The following MAP2K4 variants were observed in gnomAD, a reference collection of about 807,000 sequenced individuals.
MAP2K4 encodes mitogen-activated protein kinase kinase 4, also known as dual specificity mitogen-activated protein kinase kinase 4.
In MAP2K4, 4 loss-of-function variants were observed where a neutral mutation model predicts 48.5. That is an observed-to-expected ratio of 0.08 (90% confidence interval 0.04 to 0.19). The LOEUF is 0.19. Among genes scored for constraint, MAP2K4 ranks in the 10% least tolerant of loss-of-function variants. MAP2K4 has a pLI of 1.00. For synonymous variants in MAP2K4, 166 were observed against 173.1 expected (o/e 0.96, Z 0.32); for missense variants, 258 against 493.3 (o/e 0.52, Z 4.52).
chr17:12,023,802 G>A (rs1031864490), intron 1 of MAP2K4, among the ~76,000 whole-genome samples: 1 of 152,128 alleles, frequency 6.6e-6, no homozygotes, highest in Admixed American at 6.5e-5. Context: ...GTGACCAGGG[G>A]CAATGAACTT....
At chr17:12,038,299 A>G (rs1969663553) in intron 1 of MAP2K4, among the ~76,000 whole-genome samples, 1 of 152,124 alleles carries the variant, frequency 6.6e-6, no homozygotes, top group South Asian at 2.1e-4. Flanking sequence ...TGAGATCCGA[A>G]TCTAGGCAAA....
intron 7 of MAP2K4, among the ~76,000 whole-genome samples, chr17:12,114,054 T>C (rs918848436): frequency 2.0e-5 from 3 of 152,210 alleles, no homozygotes; most frequent in African/African-American, 4.8e-5. Flanking sequence ...CACTACTAAA[T>C]GTGACACATA....
intron 1 of MAP2K4, among the ~76,000 whole-genome samples, chr17:12,033,267 C>G (rs911886962): frequency 5.3e-5 from 8 of 152,076 alleles, no homozygotes; most frequent in African/African-American, 1.7e-4. Context: ...TTGTCTTCTG[C>G]TTTTTATTCA....
intron 2 of MAP2K4, among the ~76,000 whole-genome samples, chr17:12,058,404 T>G (rs911760762): frequency 6.6e-6 from 1 of 152,098 alleles, no homozygotes; most frequent in Non-Finnish European, 1.5e-5. Flanking sequence ...TAACTCTGGT[T>G]TCTAGGCCTT....
chr17:12,079,909 T>G (rs941800212), intron 2 of MAP2K4, among the ~76,000 whole-genome samples: 1 of 152,214 alleles, frequency 6.6e-6, no homozygotes, highest in African/African-American at 2.4e-5. Flanking sequence ...TGCCACTGAT[T>G]TCCGGGCTTC....
At chr17:12,120,627 G>T (rs1028086851) in intron 7 of MAP2K4, among the ~76,000 whole-genome samples, 23 of 145,742 alleles carry the variant, frequency 1.6e-4, no homozygotes, top group African/African-American at 5.6e-4. Flanking sequence ...AACACAAGAA[G>T]AAATCATGTC....
intron 7 of MAP2K4, among the ~76,000 whole-genome samples, chr17:12,123,091 T>C (rs1379202162): frequency 1.3e-5 from 2 of 152,204 alleles, no homozygotes; most frequent in African/African-American, 4.8e-5. Context: ...GTAATGACTT[T>C]GTCAGGTTTT....
chr17:12,102,256 T>G (rs1971959910), intron 4 of MAP2K4, among the ~76,000 whole-genome samples: 1 of 152,130 alleles, frequency 6.6e-6, no homozygotes, highest in African/African-American at 2.4e-5. Flanking sequence ...TTCCAGATCC[T>G]TGAGATGTTT....
intron 9 of MAP2K4, among the ~76,000 whole-genome samples, chr17:12,131,403 A>G (rs1288467196): frequency 1.3e-5 from 2 of 151,182 alleles, no homozygotes; most frequent in Non-Finnish European, 2.9e-5. Context: ...ACCTGCCACC[A>G]CACCCAGCTA....
intron 2 of MAP2K4, among the ~76,000 whole-genome samples, chr17:12,079,530 C>T (rs1040261425): frequency 1.3e-5 from 2 of 152,138 alleles, no homozygotes; most frequent in African/African-American, 4.8e-5. Context: ...AATACGAACA[C>T]TAAGAAGGTG....
chr17:12,139,666 AG>A (rs1973313952), intron 9 of MAP2K4, among the ~76,000 whole-genome samples, 172 bp from the exon 10 acceptor site: 1 of 152,324 alleles, frequency 6.6e-6, no homozygotes, highest in East Asian at 1.9e-4. Context: ...TTCAGATTAT[AG>A]ACTCACAATT....
intron 1 of MAP2K4, among the ~76,000 whole-genome samples, chr17:12,031,336 A>G (rs543629649): frequency 6.6e-6 from 1 of 152,318 alleles, no homozygotes; most frequent in South Asian, 2.1e-4. Context: ...CTACTTAACT[A>G]TCCTTTCTTC....
intron 1 of MAP2K4, among the ~76,000 whole-genome samples, chr17:12,044,292 C>T (rs963267137): frequency 5.3e-5 from 8 of 152,078 alleles, no homozygotes; most frequent in Non-Finnish European, 8.8e-5. Flanking sequence ...ATTTTTCTGT[C>T]GTGAAAAGGA....
intron 2 of MAP2K4, among the ~76,000 whole-genome samples, chr17:12,079,899 T>C (rs1258782262): frequency 1.3e-5 from 2 of 152,218 alleles, no homozygotes; most frequent in East Asian, 1.9e-4. Flanking sequence ...TGGTCACTTA[T>C]GCCACTGATT....
intron 7 of MAP2K4, among the ~76,000 whole-genome samples, chr17:12,123,490 G>C (rs1972758359): frequency 2.0e-5 from 3 of 151,984 alleles, no homozygotes; most frequent in South Asian, 4.2e-4. Context: ...AGTACTGTTG[G>C]TTTTCTTGAC....
chr17:12,036,706 A>C (rs922181701), intron 1 of MAP2K4: 3 of 148,282 alleles, frequency 2.0e-5, no homozygotes, highest in South Asian at 2.1e-4. Flanking sequence ...CAGCATTCTA[A>C]TTTTTTTTTT....
chr17:12,078,274 G>A (rs1971077126), intron 2 of MAP2K4, among the ~76,000 whole-genome samples: 1 of 152,128 alleles, frequency 6.6e-6, no homozygotes, highest in African/African-American at 2.4e-5. Flanking sequence ...TGAGAACCTT[G>A]GGGTTGGAAC....
intron 2 of MAP2K4, among the ~76,000 whole-genome samples, chr17:12,071,269 A>G (rs1289243519): frequency 2.6e-5 from 4 of 152,138 alleles, no homozygotes; most frequent in Admixed American, 6.6e-5. Context: ...AGTTCACCCT[A>G]CTACAGATGG....
At chr17:12,061,538 G>T (rs1970449716) in intron 2 of MAP2K4, among the ~76,000 whole-genome samples, 1 of 152,204 alleles carries the variant, frequency 6.6e-6, no homozygotes, top group Admixed American at 6.5e-5. Flanking sequence ...TATAGCTGAG[G>T]TGGTGGATGC....
Sources: gnomAD v4.1 joint callset for allele counts (sites outside exome capture counted in the v4.1 genomes callset) on GRCh38, gnomAD v4.1.1 for gene constraint, MANE v1.5 for transcripts, NCBI Gene and HGNC (gene_info 2026-07-23, HGNC 2026-07-21) for gene names.